The following PGM5 variants were observed in gnomAD, a reference collection of about 807,000 sequenced individuals.
PGM5 encodes phosphoglucomutase 5.
A neutral mutation model predicts 59.2 loss-of-function variants in PGM5; 23 were observed. That is an observed-to-expected ratio of 0.39 (90% CI 0.28 to 0.55). The LOEUF is 0.55. Ranked by LOEUF, PGM5 falls within the 20% of genes least tolerant of loss-of-function variation. The pLI is 0.66. For synonymous variants in PGM5, 214 were observed against 286.0 expected (o/e 0.75, Z 2.54); for missense variants, 574 against 748.3 (o/e 0.77, Z 2.72).
At chr9:68,441,797 G>GA (rs1213868957) in intron 6 of PGM5, among the ~76,000 whole-genome samples, 2 of 151,308 alleles carry the variant, frequency 1.3e-5, no homozygotes, top group South Asian at 2.1e-4. Context: ...GGGTGAAAAG[G>GA]AAAAAAAATA....
At chr9:68,496,976 C>A (rs1554688203) in intron 9 of PGM5, 1 of 151,016 alleles carries the variant, frequency 6.6e-6, no homozygotes, top group African/African-American at 2.4e-5. Context: ...TGCTCACGCG[C>A]CCCACGTGTA....
chr9:68,372,978 C>A (rs146776784), intron 1 of PGM5, among the ~76,000 whole-genome samples: 1 of 152,010 alleles, frequency 6.6e-6, no homozygotes, highest in Non-Finnish European at 1.5e-5. Flanking sequence ...TGGGCCCCAC[C>A]GCTAACACTG....
chr9:68,479,057 G>C (rs1305807435), intron 7 of PGM5, among the ~76,000 whole-genome samples: 1 of 152,222 alleles, frequency 6.6e-6, no homozygotes, highest in South Asian at 2.1e-4. Flanking sequence ...AACTTTATGA[G>C]TAAAGAACTA....
At chr9:68,407,722 CAT>C (rs1265986450) in intron 6 of PGM5, among the ~76,000 whole-genome samples, 1 of 152,172 alleles carries the variant, frequency 6.6e-6, no homozygotes, top group Non-Finnish European at 1.5e-5. Context: ...CCCATTAAAA[CAT>C]ATAATGTGAT....
At chr9:68,411,484 G>GTATATATATATATATATA (rs782186409) in intron 6 of PGM5, among the ~76,000 whole-genome samples, 3 of 105,930 alleles carry the variant, frequency 2.8e-5, no homozygotes, top group Non-Finnish European at 6.5e-5. Context: ...GTGTGTGTGT[G>GTATATATATATATATATA]TGTGTATATA....
At chr9:68,440,746 T>C (rs1823511661) in intron 6 of PGM5, among the ~76,000 whole-genome samples, 1 of 152,022 alleles carries the variant, frequency 6.6e-6, no homozygotes, top group Admixed American at 6.6e-5. Flanking sequence ...CAATAAACTA[T>C]GCTTCTACTT....
chr9:68,395,611 TC>T (rs1554679900), intron 6 of PGM5: 1 of 152,160 alleles, frequency 6.6e-6, no homozygotes, highest in East Asian at 1.9e-4. Context: ...CTTTAATTTC[TC>T]TTACATGTAT....
chr9:68,421,134 G>A (rs553767310), intron 6 of PGM5, among the ~76,000 whole-genome samples: 1 of 152,322 alleles, frequency 6.6e-6, no homozygotes, highest in East Asian at 1.9e-4. Flanking sequence ...TTACAAAGGG[G>A]AGACGAGGTG....
chr9:68,383,694 CAA>C (rs71353049), intron 2 of PGM5, among the ~76,000 whole-genome samples: 63 of 99,398 alleles, frequency 6.3e-4, no homozygotes, highest in African/African-American at 2.0e-3. Context: ...AACCTTGTTG[CAA>C]AAAAAAAAAA....
intron 2 of PGM5, among the ~76,000 whole-genome samples, chr9:68,379,583 G>A (rs1234009500): frequency 1.3e-5 from 2 of 152,078 alleles, no homozygotes; most frequent in Non-Finnish European, 2.9e-5. Flanking sequence ...CAAAATGGCA[G>A]GAGTAAGTCT....
chr9:68,509,780 G>C (rs1169851098), intron 10 of PGM5, among the ~76,000 whole-genome samples: 3 of 152,170 alleles, frequency 2.0e-5, no homozygotes, highest in Non-Finnish European at 4.4e-5. Context: ...TCCCTAATTT[G>C]CTGGTACCTA....
At chr9:68,481,846 A>C (rs1226111357) in intron 8 of PGM5, among the ~76,000 whole-genome samples, 1 of 152,232 alleles carries the variant, frequency 6.6e-6, no homozygotes, top group Non-Finnish European at 1.5e-5. Context: ...ATAGAATGAA[A>C]GGTAAACATT....
chr9:68,519,887 C>A (rs1010883115), intron 10 of PGM5, among the ~76,000 whole-genome samples: 1 of 139,760 alleles, frequency 7.2e-6, no homozygotes, highest in African/African-American at 2.8e-5. Flanking sequence ...ATAAGGAGAC[C>A]TTGTCTTTAC....
At chr9:68,373,376 T>C (rs1335687999) in intron 1 of PGM5, among the ~76,000 whole-genome samples, 4 of 152,106 alleles carry the variant, frequency 2.6e-5, no homozygotes, top group Non-Finnish European at 4.4e-5. Flanking sequence ...CTTCTGGTAA[T>C]TCTCCAATTA....
At chr9:68,375,698 T>A (rs1554677556) in intron 1 of PGM5, among the ~76,000 whole-genome samples, 1 of 152,140 alleles carries the variant, frequency 6.6e-6, no homozygotes, top group Non-Finnish European at 1.5e-5. Context: ...ATAAATAATA[T>A]GGAAAATGTT....
chr9:68,512,696 T>C (rs957442382), intron 10 of PGM5, among the ~76,000 whole-genome samples: 4 of 152,210 alleles, frequency 2.6e-5, no homozygotes, highest in Admixed American at 6.5e-5. Context: ...TGAGTACCTC[T>C]GTAAAGGCCC....
At chr9:68,475,090 T>C (rs1358083238) in intron 7 of PGM5, among the ~76,000 whole-genome samples, 5 of 151,670 alleles carry the variant, frequency 3.3e-5, no homozygotes, top group African/African-American at 1.2e-4. Flanking sequence ...CTCAGCTCAC[T>C]GCAACCTCTA....
At chr9:68,369,680 A>G (rs1254415182) in intron 1 of PGM5, among the ~76,000 whole-genome samples, 2 of 152,168 alleles carry the variant, frequency 1.3e-5, no homozygotes, top group Admixed American at 6.5e-5. Context: ...GATGCCTGTG[A>G]CTTTTCGGCA....
chr9:68,475,184 AT>A (rs782687667), intron 7 of PGM5, among the ~76,000 whole-genome samples: 1,228 of 112,740 alleles, frequency 0.011, 7 homozygotes, highest in African/African-American at 0.034. Flanking sequence ...TGCCTGGCTA[AT>A]TTTTTTTTTT....
Sources: gnomAD v4.1 joint callset for allele counts (sites outside exome capture counted in the v4.1 genomes callset) on GRCh38, gnomAD v4.1.1 for gene constraint, MANE v1.5 for transcripts, NCBI Gene and HGNC (gene_info 2026-07-23, HGNC 2026-07-21) for gene names.